Variants in OOSP4B observed in about 807,000 individuals in gnomAD.
The protein encoded by OOSP4B is oocyte-secreted protein 4B.
exon 1 of OOSP4B, chr11:60,017,403 T>C (rs1456197719): frequency 5.0e-6 from 2 of 398,690 alleles, no homozygotes; most frequent in Non-Finnish European, 8.8e-6. Context: ...TGAAGACCTC[T>C]GTGCTCTTAG....
intron 1 of OOSP4B, among the ~76,000 whole-genome samples, chr11:60,019,180 G>T (rs1332444970): frequency 6.6e-6 from 1 of 151,930 alleles, no homozygotes; most frequent in Non-Finnish European, 1.5e-5. Flanking sequence ...CTGAGATTGC[G>T]CCATTGCACT....
chr11:60,018,553 A>G (rs1459543928), intron 1 of OOSP4B, among the ~76,000 whole-genome samples: 2 of 152,222 alleles, frequency 1.3e-5, no homozygotes, highest in Non-Finnish European at 1.5e-5. Flanking sequence ...AACCAGTGCC[A>G]GACCTGAAAC....
chr11:60,027,803 G>T (rs182297438), intron 3 of OOSP4B, among the ~76,000 whole-genome samples: 3 of 152,006 alleles, frequency 2.0e-5, no homozygotes, highest in Non-Finnish European at 2.9e-5. Flanking sequence ...AGCCAGGCCT[G>T]GTGGCACATG....
intron 1 of OOSP4B, among the ~76,000 whole-genome samples, chr11:60,019,180 G>A (rs1332444970): frequency 1.3e-5 from 2 of 151,930 alleles, no homozygotes; most frequent in Non-Finnish European, 2.9e-5. Flanking sequence ...CTGAGATTGC[G>A]CCATTGCACT....
intron 3 of OOSP4B, among the ~76,000 whole-genome samples, chr11:60,025,955 A>T (rs796634007): frequency 6.6e-6 from 1 of 152,092 alleles, no homozygotes; most frequent in African/African-American, 2.4e-5. Context: ...GCATTTTCTG[A>T]TAACTAATTA....
exon 3 of OOSP4B, chr11:60,024,952 C>T (rs748882974): frequency 5.3e-5 from 21 of 398,216 alleles, no homozygotes; most frequent in Admixed American, 1.8e-4. Context: ...AGATCAGTTA[C>T]AAACCAAGGT....
In OOSP4B at chr11:60,019,740, G is replaced by A. The variant is rs1854667821; in HGVS notation, c.22+2327G>A. Among the ~76,000 whole-genome samples, 3 of 152,158 alleles carry A rather than the reference G, an allele frequency of 2.0e-5. No homozygotes were observed. The South Asian group carries it at 6.2e-4, about 32-fold the overall frequency. On this transcript the variant is annotated intron_variant, in intron 1 of 4. Transcript: ENST00000642343. ...CCAAACAGCTGCAGCAAGATTTATT[G>A]CAAAAAGCCAAAGAATAAAGCTTCC... is the stretch of plus-strand genomic sequence containing the variant.
At chr11:60,023,466 A>T (rs1854714261) in intron 1 of OOSP4B, among the ~76,000 whole-genome samples, 1 of 151,956 alleles carries the variant, frequency 6.6e-6, no homozygotes, top group Admixed American at 6.6e-5. Context: ...TGGGGGTCTC[A>T]CTCTGTTGCC....
chr11:60,026,751 T>C (rs1311946008), intron 3 of OOSP4B, among the ~76,000 whole-genome samples: 5 of 152,198 alleles, frequency 3.3e-5, no homozygotes, highest in African/African-American at 7.2e-5. Flanking sequence ...TACATGTAAA[T>C]TACTAAAATT....
At chr11:60,027,918 T>C (rs1854761017) in intron 3 of OOSP4B, among the ~76,000 whole-genome samples, 1 of 151,204 alleles carries the variant, frequency 6.6e-6, no homozygotes, top group African/African-American at 2.4e-5. Flanking sequence ...CCAGCCTGGG[T>C]GACAGAGTGA....
intron 3 of OOSP4B, 135 bp from the exon 4 acceptor site, chr11:60,029,647 C>A: frequency 7.6e-6 from 3 of 394,712 alleles, no homozygotes; most frequent in Non-Finnish European, 1.3e-5. Context: ...ATTTACTGAG[C>A]TACTTTGCCT....
In OOSP4B at chr11:60,026,118, T is replaced by C. The variant is rs181327393; in HGVS notation, c.302+1113T>C. On this transcript the variant is annotated intron_variant, in intron 3 of 4. Transcript: ENST00000642343. ...TTCGCCCCAGTCCCCACATTGCTTA[T>C]TAATTTTCTTAATGTGTTTTTTGAT... Among the ~76,000 whole-genome samples, 499 of 152,298 alleles carry C rather than the reference T, an allele frequency of 3.3e-3. 4 individuals carry two copies. The highest frequency in any genetic ancestry group is 0.012 in the African/African-American group (487 of 41,582).
At chr11:60,023,442 G>A (rs533506598) in intron 1 of OOSP4B, among the ~76,000 whole-genome samples, 220 of 152,148 alleles carry the variant, frequency 1.4e-3, no homozygotes, top group African/African-American at 5.2e-3. Context: ...TAATTTTAAT[G>A]TCTTTTTTTG....
intron 1 of OOSP4B, among the ~76,000 whole-genome samples, chr11:60,018,288 CGGGTGGTTTTGCCCTCCAG>C (rs1219077626): frequency 6.6e-6 from 1 of 152,056 alleles, no homozygotes; most frequent in African/African-American, 2.4e-5. Context: ...TGGTTCTCAG[CGGGTGGTTTTGCCCTCCAG>C]GGGACATTTG....
At chr11:60,025,122 A>G in intron 3 of OOSP4B, 117 bp downstream of exon 3, 1 of 393,524 alleles carries the variant, frequency 2.5e-6, no homozygotes, top group Non-Finnish European at 4.5e-6. Context: ...ATAAATTTCT[A>G]AAGTTTCTCT....
At chr11:60,019,218 TTCTC>T (rs927905370) in intron 1 of OOSP4B, among the ~76,000 whole-genome samples, 1 of 150,832 alleles carries the variant, frequency 6.6e-6, no homozygotes, top group Admixed American at 6.6e-5. Context: ...GCGAGACTCT[TTCTC>T]AGAAAAAAAA....
chr11:60,019,763 T>G (rs1164270905), intron 1 of OOSP4B, among the ~76,000 whole-genome samples: 1 of 152,142 alleles, frequency 6.6e-6, no homozygotes, highest in African/African-American at 2.4e-5. Flanking sequence ...GAATAAAGCT[T>G]CCACAGTTTG....
At chr11:60,029,132 T>A (rs555864611) in intron 3 of OOSP4B, among the ~76,000 whole-genome samples, 1 of 152,226 alleles carries the variant, frequency 6.6e-6, no homozygotes, top group South Asian at 2.1e-4. Flanking sequence ...AAAATTTGAA[T>A]GAGATTTTAG....
intron 1 of OOSP4B, among the ~76,000 whole-genome samples, chr11:60,023,405 T>G (rs892059951): frequency 2.0e-5 from 3 of 152,182 alleles, no homozygotes; most frequent in African/African-American, 7.2e-5. Context: ...GAAATATATT[T>G]TAAACTATAC....
Sources: allele counts gnomAD v4.1 joint callset (sites outside exome capture counted in the v4.1 genomes callset), GRCh38; gene constraint gnomAD v4.1.1; transcripts MANE v1.5; gene names NCBI Gene and HGNC (gene_info 2026-07-23, HGNC 2026-07-21).